The following SMAP2 variants were observed in gnomAD, a reference collection of about 807,000 sequenced individuals.
SMAP2 encodes the protein stromal membrane-associated protein 2.
Under a neutral mutation model 56.4 loss-of-function variants are expected in SMAP2, and 25 were observed. The ratio of observed to expected loss-of-function variants is 0.44; its 90% CI spans 0.32 to 0.62. The LOEUF is 0.62. SMAP2 is among the 20% of genes least tolerant of loss of function. The pLI is 0.04. For missense variants in SMAP2, 388 were observed against 545.6 expected (o/e 0.71, Z 2.88); for synonymous variants, 157 against 181.7 (o/e 0.86, Z 1.09).
At chr1:40,420,681 C>T (rs1645033684) in intron 9 of SMAP2, among the ~76,000 whole-genome samples, 1 of 152,178 alleles carries the variant, frequency 6.6e-6, no homozygotes, top group South Asian at 2.1e-4. Context: ...CATATGCTTC[C>T]TGATATTTTG....
chr1:40,354,425 G>A (rs184327870), intron 1 of SMAP2, among the ~76,000 whole-genome samples: 12 of 151,296 alleles, frequency 7.9e-5, no homozygotes, highest in African/African-American at 2.7e-4. Context: ...ACTGATCTCC[G>A]CCTCCCGGGT....
At chr1:40,399,308 C>CTCTT (rs1418037617) in intron 1 of SMAP2, among the ~76,000 whole-genome samples, 1 of 27,242 alleles carries the variant, frequency 3.7e-5, no homozygotes, top group Admixed American at 4.9e-4. Context: ...CTACGTGTGG[C>CTCTT]TATTTTTTTT....
intron 6 of SMAP2, among the ~76,000 whole-genome samples, 197 bp from the exon 7 acceptor site, chr1:40,415,066 ATAGCTGGGC>A (rs1644973669): frequency 6.6e-6 from 1 of 152,152 alleles, no homozygotes; most frequent in African/African-American, 2.4e-5. Context: ...CCTGTGCCTG[ATAGCTGGGC>A]TACAGGCTTC....
In SMAP2 at chr1:40,422,078, C is replaced by T; in HGVS notation, c.1267C>T (p.Leu423Phe). 1 of 1,614,178 alleles carries T rather than the reference C, an allele frequency of 6.2e-7. No individual in the cohort carries two copies. The highest frequency in any genetic ancestry group is 2.2e-5 in the East Asian group (1 of 44,882). ...GGNGQAANQT[L>F]SPQMWK ...AAATGGACAGGCAGCAAATCAGACT[C>T]TCAGTCCTCAGATGTGGAAATAAAA... Residue 423 changes from leucine to phenylalanine, a missense_variant, in exon 10 of 10, where the codon CTC (leucine) becomes TTC (phenylalanine). Transcript: ENST00000372718.
intron 1 of SMAP2, among the ~76,000 whole-genome samples, chr1:40,347,241 T>TGG (rs1553187325): frequency 3.4e-5 from 1 of 29,514 alleles, no homozygotes; most frequent in East Asian, 3.1e-3. Flanking sequence ...TGTGTGTGTG[T>TGG]TTTGTTTTTG....
At chr1:40,394,996 GT>G (rs1485731806) in intron 1 of SMAP2, among the ~76,000 whole-genome samples, 2 of 152,240 alleles carry the variant, frequency 1.3e-5, no homozygotes, top group Non-Finnish European at 1.5e-5. Flanking sequence ...TATATACACA[GT>G]TTTAAGAGGA....
chr1:40,422,456 G>A lies in SMAP2; in HGVS notation c.*355G>A. The A allele has an allele frequency of 4.0e-6, 1 of 249,546 alleles. No homozygotes were observed. Among genetic ancestry groups the A allele is most frequent in the Non-Finnish European group, 8.2e-6 (1 of 121,984 alleles). 15.5% of individuals were successfully genotyped at this position (249,546 alleles called of 1,614,324 possible). ...TGTCAGACTCTCAGAAGGGTCTGTG[G>A]GTGTTGTATATTAGGCAAACAGGGG... On this transcript the variant is annotated 3_prime_UTR_variant, in exon 10 of 10. Transcript: ENST00000372718.
chr1:40,417,106 C>A lies in SMAP2; in HGVS notation c.1164+10C>A, dbSNP rs564778906. ...ATGGAACCTTACTCAGGTAAGCTAC[C>A]CCATTTTACTTGCAGCAAGAGTTTT... On this transcript the variant is annotated intron_variant, in intron 9 of 9. Coordinates refer to ENST00000372718, the MANE Select transcript of SMAP2 (RefSeq NM_022733.3). 2 of 1,585,230 alleles carry A rather than the reference C, an allele frequency of 1.3e-6. No individual in the cohort carries two copies. Among genetic ancestry groups the A allele is most frequent in the Admixed American group, 3.4e-5 (2 of 58,858 alleles).
chr1:40,373,980 G>C lies in SMAP2; in HGVS notation c.-141G>C, dbSNP rs990172268. 2.9e-5 allele frequency: 18 copies of C among 621,306 alleles called. No individual in the cohort carries two copies. The highest frequency in any genetic ancestry group is 4.4e-4 in the Middle Eastern group (1 of 2,278). The allele number at this position is 621,306 out of a possible 1,614,324, so 38.5% of individuals were successfully genotyped here. The stretch of plus-strand genomic sequence containing the variant: ...GCCCCCGACCCGGGAAGGGGCGTCC[G>C]GCGGGGCCGGAGGAGAGGGCTCTCC... On this transcript the variant is annotated 5_prime_UTR_variant, in exon 1 of 10. Coordinates refer to ENST00000372718, the MANE Select transcript of SMAP2 (RefSeq NM_022733.3).
chr1:40,350,390 A>G (rs1011585152), intron 1 of SMAP2, among the ~76,000 whole-genome samples: 3 of 152,162 alleles, frequency 2.0e-5, no homozygotes, highest in Non-Finnish European at 4.4e-5. Flanking sequence ...AAGAGTGCAA[A>G]CCTGAGGTCC....
chr1:40,398,893 T>C (rs1644800192), intron 1 of SMAP2, among the ~76,000 whole-genome samples: 1 of 152,244 alleles, frequency 6.6e-6, no homozygotes, highest in Non-Finnish European at 1.5e-5. Flanking sequence ...ATAGTGAATG[T>C]TACAGGTCTG....
intron 1 of SMAP2, among the ~76,000 whole-genome samples, chr1:40,405,891 G>A (rs1302709894): frequency 6.6e-6 from 1 of 152,060 alleles, no homozygotes; most frequent in African/African-American, 2.4e-5. Flanking sequence ...TTTCTTTTTT[G>A]TTGCTATAAG....
intron 1 of SMAP2, among the ~76,000 whole-genome samples, chr1:40,402,198 C>A (rs764222081): frequency 6.6e-6 from 1 of 152,076 alleles, no homozygotes; most frequent in Non-Finnish European, 1.5e-5. Flanking sequence ...TGGTTTATCT[C>A]TTTTTATTGA....
At chr1:40,405,147 AT>A (rs1163265150) in intron 1 of SMAP2, among the ~76,000 whole-genome samples, 1 of 152,184 alleles carries the variant, frequency 6.6e-6, no homozygotes, top group Non-Finnish European at 1.5e-5. Context: ...TCTAAAACTA[AT>A]TTTCTGCCAC....
chr1:40,375,070 GC>G (rs1166847537), intron 1 of SMAP2: 2 of 985,258 alleles, frequency 2.0e-6, no homozygotes, highest in Non-Finnish European at 2.4e-6. Context: ...TGTTTTCTGT[GC>G]CCTAGAAGAT....
chr1:40,374,306 G>C lies in SMAP2; in HGVS notation c.103+83G>C, dbSNP rs2124200851. ...GCTGCGTGAAGAGGCGGTTTCTGAA[G>C]CTTAGGCCGCCCAACTCGGCTTATA... On this transcript the variant is annotated intron_variant, in intron 1 of 9. Transcript: ENST00000372718. This position sits in a 1 kb window ranked among gnomAD's most constrained non-coding sequence, Gnocchi z 5.9. The C allele has an allele frequency of 2.5e-6, 3 of 1,181,060 alleles. No homozygotes were observed. Among genetic ancestry groups the C allele is most frequent in the East Asian group, 5.0e-5 (2 of 39,612 alleles). The allele number at this position is 1,181,060 out of a possible 1,614,324, so 73.2% of individuals were successfully genotyped here.
intron 5 of SMAP2, among the ~76,000 whole-genome samples, chr1:40,413,479 C>T (rs1158057067): frequency 6.6e-6 from 1 of 152,218 alleles, no homozygotes; most frequent in Admixed American, 6.5e-5. Context: ...GAAGAACAGT[C>T]CAGAAGTGAG....
At chr1:40,412,818 C>T (rs1222208625) in intron 4 of SMAP2, among the ~76,000 whole-genome samples, 198 bp from the exon 5 acceptor site, 6 of 152,170 alleles carry the variant, frequency 3.9e-5, no homozygotes, top group Non-Finnish European at 4.4e-5. Flanking sequence ...TGGAAGACGC[C>T]TCGTACAGCA....
At chr1:40,416,371 C>T (rs1644987124) in intron 8 of SMAP2, 30 bp downstream of exon 8, 2 of 1,599,568 alleles carry the variant, frequency 1.3e-6, no homozygotes, top group South Asian at 1.1e-5. Flanking sequence ...TGGCCATGTG[C>T]CAGGTAGAGA....
Sources: gnomAD v4.1 joint callset for allele counts (sites outside exome capture counted in the v4.1 genomes callset) on GRCh38, gnomAD v4.1.1 for gene constraint, Gnocchi (gnomAD v3.1) non-coding constraint, MANE v1.5 for transcripts, NCBI Gene and HGNC (gene_info 2026-07-23, HGNC 2026-07-21) for gene names.